The following NBEA variants were observed in gnomAD, a reference collection of about 807,000 sequenced individuals.
The protein encoded by NBEA is lysosomal-trafficking regulator 2.
Under a neutral mutation model 343.4 loss-of-function variants are expected in NBEA, and 44 were observed. The ratio of observed to expected loss-of-function variants is 0.13; its 90% CI spans 0.10 to 0.16. The LOEUF (loss-of-function observed/expected upper bound fraction) is 0.16, where lower values mean the gene tolerates loss of function less well. NBEA is among the 10% of genes least tolerant of loss of function. The probability of loss-of-function intolerance (pLI) is 1.00; values close to 1 mark genes in which losing one functional copy is unlikely to be tolerated. For synonymous variants in NBEA, 1,175 were observed against 1,238.7 expected (o/e 0.95, Z 1.08); for missense variants, 2,555 against 3,631.3 (o/e 0.70, Z 7.62).
rs565339892 is a variant in NBEA, at chr13:35,089,998, C to A, written c.1572-8299C>A. Among the ~76,000 whole-genome samples the A allele has an allele frequency of 9.9e-5, 15 of 150,846 alleles. No individual in the cohort carries two copies. In the East Asian group the frequency reaches 2.7e-3, roughly 28 times the overall value. Reference sequence around the variant, plus strand: ...GTGGGTGCAGCGCACCAGAATGGCACATGTATACATATGTAACTAATGTGC... The same window carrying A: ...GTGGGTGCAGCGCACCAGAATGGCAAATGTATACATATGTAACTAATGTGC... On this transcript the variant is annotated intron_variant, in intron 10 of 58. Coordinates refer to ENST00000379939, the MANE Select transcript of NBEA (RefSeq NM_001385012.1).
intron 47 of NBEA, among the ~76,000 whole-genome samples, chr13:35,602,340 G>T (rs1283904525): frequency 6.6e-6 from 1 of 151,814 alleles, no homozygotes; most frequent in Non-Finnish European, 1.5e-5. Context: ...ATAAAACTGA[G>T]ACCAAAAAAA....
At chr13:35,111,932 T>C (rs1424116486) in intron 13 of NBEA, among the ~76,000 whole-genome samples, 3 of 148,186 alleles carry the variant, frequency 2.0e-5, no homozygotes, top group Non-Finnish European at 4.5e-5. Context: ...TTTTTTTTTT[T>C]TTGAGACGGA....
chr13:34,958,035 T>TA (rs1300691953), intron 1 of NBEA, among the ~76,000 whole-genome samples: 1 of 151,978 alleles, frequency 6.6e-6, no homozygotes, highest in Non-Finnish European at 1.5e-5. Flanking sequence ...AAGACTTAGT[T>TA]AAAAAATATA....
intron 52 of NBEA, 70 bp downstream of exon 52, chr13:35,649,917 TGGGACTG>T: frequency 3.1e-4 from 1 of 3,232 alleles, no homozygotes; most frequent in Non-Finnish European, 5.6e-3. Flanking sequence ...AAAAGTGTAC[TGGGACTG>T]GGATTAGCTC....
At chr13:34,956,745 G>A (rs2059504923) in intron 1 of NBEA, among the ~76,000 whole-genome samples, 1 of 152,124 alleles carries the variant, frequency 6.6e-6, no homozygotes, top group Admixed American at 6.6e-5. Flanking sequence ...CCATTTTAAA[G>A]TTTACAGTTT....
chr13:35,479,393 T>C (rs1016711045), intron 41 of NBEA, among the ~76,000 whole-genome samples: 1 of 152,162 alleles, frequency 6.6e-6, no homozygotes, highest in Non-Finnish European at 1.5e-5. Context: ...TTGCCTTCTG[T>C]AGCTGAATCC....
At chr13:35,477,291 G>A (rs745523680) in intron 41 of NBEA, 1 of 162,910 alleles carries the variant, frequency 6.1e-6, no homozygotes, top group African/African-American at 2.4e-5. Context: ...TTTTACTTAT[G>A]TTTTTTTCTT....
chr13:35,343,338 T>G (rs910226989), intron 36 of NBEA, among the ~76,000 whole-genome samples: 1 of 152,058 alleles, frequency 6.6e-6, no homozygotes, highest in Non-Finnish European at 1.5e-5. Flanking sequence ...TATCAAAATA[T>G]CCAGGAGACA....
chr13:35,578,482 T>A (rs753239513), intron 45 of NBEA, among the ~76,000 whole-genome samples: 1 of 152,106 alleles, frequency 6.6e-6, no homozygotes, highest in Non-Finnish European at 1.5e-5. Flanking sequence ...CATAGTGAGA[T>A]TCCATATCTA....
chr13:35,051,639 C>CT (rs1593591611), intron 6 of NBEA, among the ~76,000 whole-genome samples: 3 of 151,900 alleles, frequency 2.0e-5, no homozygotes, highest in Non-Finnish European at 4.4e-5. Context: ...TGTATTCTTT[C>CT]TTTTTTAATA....
intron 35 of NBEA, among the ~76,000 whole-genome samples, chr13:35,302,924 T>C (rs1464745690): frequency 6.6e-6 from 1 of 152,060 alleles, no homozygotes; most frequent in Non-Finnish European, 1.5e-5. Flanking sequence ...ACTCATAGAG[T>C]CACATGAAGA....
At chr13:35,031,118 A>G (rs566877672) in intron 1 of NBEA, among the ~76,000 whole-genome samples, 95 of 151,762 alleles carry the variant, frequency 6.3e-4, no homozygotes, top group Admixed American at 1.4e-3. Flanking sequence ...ACAAATTTAT[A>G]CAGAGGCCCA....
At chr13:35,374,987 T>C (rs1487484161) in intron 38 of NBEA, among the ~76,000 whole-genome samples, 2 of 152,152 alleles carry the variant, frequency 1.3e-5, no homozygotes, top group African/African-American at 4.8e-5. Context: ...TTGTAAATGT[T>C]TTCCAAGAGA....
intron 40 of NBEA, among the ~76,000 whole-genome samples, chr13:35,471,445 C>T (rs1250966635): frequency 2.0e-5 from 3 of 152,196 alleles, no homozygotes; most frequent in Non-Finnish European, 4.4e-5. Context: ...GCCCTTGCTA[C>T]CTACAAATGA....
At chr13:35,278,089 A>G (rs2034758283) in intron 34 of NBEA, among the ~76,000 whole-genome samples, 1 of 148,304 alleles carries the variant, frequency 6.7e-6, no homozygotes, top group Non-Finnish European at 1.5e-5. Flanking sequence ...CTCCATCTCA[A>G]AAAATATATA....
intron 38 of NBEA, among the ~76,000 whole-genome samples, chr13:35,421,378 T>G (rs956543042): frequency 2.0e-5 from 3 of 152,120 alleles, no homozygotes; most frequent in African/African-American, 7.2e-5. Context: ...ACATTTTTTG[T>G]GCATAGCCTT....
At chr13:35,403,718 C>T (rs573772861) in intron 38 of NBEA, among the ~76,000 whole-genome samples, 1 of 151,722 alleles carries the variant, frequency 6.6e-6, no homozygotes, top group Non-Finnish European at 1.5e-5. Context: ...GTCTAAAACA[C>T]CAAAAGCAAT....
intron 40 of NBEA, among the ~76,000 whole-genome samples, chr13:35,457,782 G>A (rs1257709279): frequency 6.6e-6 from 1 of 152,018 alleles, no homozygotes; most frequent in Non-Finnish European, 1.5e-5. Context: ...CTAATTTTTT[G>A]TATCTCCAGC....
At chr13:35,253,747 TA>T (rs1190204135) in intron 34 of NBEA, among the ~76,000 whole-genome samples, 1 of 152,198 alleles carries the variant, frequency 6.6e-6, no homozygotes, top group African/African-American at 2.4e-5. Context: ...AGAGACCATG[TA>T]GTTCACAAAG....
Sources: allele counts gnomAD v4.1 joint callset (sites outside exome capture counted in the v4.1 genomes callset), GRCh38; gene constraint gnomAD v4.1.1; transcripts MANE v1.5; gene names NCBI Gene and HGNC (gene_info 2026-07-23, HGNC 2026-07-21).